Variants in ZNF536 observed in about 807,000 individuals in gnomAD.
ZNF536 encodes zinc finger protein 536.
ZNF536 carries 13 observed loss-of-function variants against 84.5 expected under a neutral mutation model. The observed-to-expected ratio is 0.15, with a 90% confidence interval of 0.10 to 0.24. ZNF536 has a LOEUF of 0.24. Among genes scored for constraint, ZNF536 ranks in the 10% least tolerant of loss-of-function variants. The pLI is 1.00. For synonymous variants in ZNF536, 811 were observed against 742.5 expected, an observed-to-expected ratio of 1.09 and a Z score of -1.50; for missense variants, 1,536 against 1,747.5, an observed-to-expected ratio of 0.88 and a Z score of 2.16.
At chr19:30,368,867 C>T (rs1017724024), upstream of ZNF536, among the ~76,000 whole-genome samples, 1 of 152,188 alleles carries the variant, frequency 6.6e-6, no homozygotes, top group Non-Finnish European at 1.5e-5. Flanking sequence ...ATGGAAAGGG[C>T]TTTGAGGACT....
intron 3 of ZNF536, among the ~76,000 whole-genome samples, chr19:30,545,877 G>A (rs959488458): frequency 7.9e-5 from 12 of 152,172 alleles, no homozygotes; most frequent in Non-Finnish European, 1.6e-4. Flanking sequence ...CCCTTTGCCT[G>A]CCAGATGCAC....
intron 1 of ZNF536, among the ~76,000 whole-genome samples, chr19:30,432,668 C>A (rs532824616): frequency 2.0e-5 from 3 of 152,154 alleles, no homozygotes; most frequent in Admixed American, 1.3e-4. Flanking sequence ...TTTGACCTTC[C>A]GATGTTTGGT....
chr19:30,425,555 C>T (rs1437472880), intron 1 of ZNF536, among the ~76,000 whole-genome samples: 13 of 152,176 alleles, frequency 8.5e-5, no homozygotes, highest in Admixed American at 8.5e-4. Context: ...CTGGCCTTGT[C>T]CCCAGTGCTG....
chr19:30,297,434 A>G (rs187788772), intron 2 of ZNF536, among the ~76,000 whole-genome samples: 1 of 152,252 alleles, frequency 6.6e-6, no homozygotes, highest in East Asian at 1.9e-4. Flanking sequence ...TGAAGGTTTT[A>G]TTACTGAACT....
intron 2 of ZNF536, among the ~76,000 whole-genome samples, chr19:30,452,008 C>A (rs989999371): frequency 1.3e-5 from 2 of 152,220 alleles, no homozygotes; most frequent in Non-Finnish European, 2.9e-5. Flanking sequence ...TGGGAGGTTC[C>A]AGGCTCAGGT....
intron 1 of ZNF536, among the ~76,000 whole-genome samples, chr19:30,597,509 C>G (rs1387053269): frequency 6.6e-6 from 1 of 152,184 alleles, no homozygotes; most frequent in Admixed American, 6.5e-5. Context: ...AAATCTCAGT[C>G]TACTGTGCCT....
rs1010461267 is a variant in ZNF536 at position 30,577,563 on chromosome 19, T to G, written c.169+28049T>G. On this transcript the variant is annotated intron_variant, in intron 1 of 1. Transcript: ENST00000592773. ...TAAAGCGCGTTTTTAGATATGGCCA[T>G]GGTACATTTTTAGCCTGGGTCATTC... is the stretch of plus-strand genomic sequence containing the variant. Among the ~76,000 whole-genome samples, 8 of 152,222 alleles carry G rather than the reference T, an allele frequency of 5.3e-5. No homozygotes were observed. In the East Asian group the frequency reaches 1.5e-3, roughly 29 times the overall value.
rs2050228515 is a variant in ZNF536 at position 30,664,210 on chromosome 19, CTCTCT to C, written c.170-46546_170-46542del. On this transcript the variant is annotated intron_variant, in intron 1 of 1. Transcript: ENST00000592773. ...GAGGAATTCTTGCTGAGTTTTCTCT[CTCTCT>C]CTCTCTCTCTCTCTCTCTCTCTCTC... Among the ~76,000 whole-genome samples, 123 of 8,154 alleles carry C rather than the reference CTCTCT, an allele frequency of 0.015. No homozygotes were observed. In the East Asian group the frequency reaches 0.2, roughly 13 times the overall value. 5.3% of individuals were successfully genotyped at this position (8,154 alleles called of 152,430 possible). A position where few individuals can be genotyped will look rare whatever the true frequency, so the allele number is the denominator to read the frequency against.
chr19:30,226,813 C>T (rs2022639369), upstream of ZNF536, among the ~76,000 whole-genome samples: 1 of 152,006 alleles, frequency 6.6e-6, no homozygotes, highest in South Asian at 2.1e-4. This position sits in a 1 kb window ranked among gnomAD's most constrained non-coding sequence, Gnocchi z 4.6. Context: ...GCTTGCGCGG[C>T]GTCTGGGAAG....
chr19:30,459,925 T>A (rs1032912536), intron 2 of ZNF536, among the ~76,000 whole-genome samples: 12 of 152,202 alleles, frequency 7.9e-5, no homozygotes, highest in African/African-American at 2.9e-4. Flanking sequence ...AAACTGACTT[T>A]AACTACAATT....
intron 1 of ZNF536, among the ~76,000 whole-genome samples, chr19:30,625,842 G>T (rs1158158281): frequency 3.3e-5 from 5 of 152,194 alleles, no homozygotes; most frequent in African/African-American, 1.2e-4. Context: ...AGGGCTGAAT[G>T]CATGGGGGCT....
intron 2 of ZNF536, among the ~76,000 whole-genome samples, chr19:30,299,319 T>C (rs974754436): frequency 6.6e-6 from 1 of 152,266 alleles, no homozygotes; most frequent in Non-Finnish European, 1.5e-5. Context: ...CTGGGGCCTT[T>C]ATGAATCTTG....
chr19:30,457,800 G>A (rs941449575), intron 2 of ZNF536, among the ~76,000 whole-genome samples: 2 of 152,202 alleles, frequency 1.3e-5, no homozygotes, highest in Non-Finnish European at 2.9e-5. Context: ...CCATTTCCCT[G>A]TCTGCCTTAG....
intron 1 of ZNF536, among the ~76,000 whole-genome samples, chr19:30,633,465 A>C (rs113548995): frequency 6.6e-6 from 1 of 152,170 alleles, no homozygotes. Flanking sequence ...AACAAACTCA[A>C]CTGTTAGCTA....
chr19:30,703,339 C>T (rs111229119), intron 1 of ZNF536, among the ~76,000 whole-genome samples: 2,173 of 152,240 alleles, frequency 0.014, 30 homozygotes, highest in Middle Eastern at 0.051. Flanking sequence ...CGGGAGCTCC[C>T]CATCACTTGT....
intron 1 of ZNF536, among the ~76,000 whole-genome samples, chr19:30,633,573 T>C (rs1428710418): frequency 6.6e-6 from 1 of 152,250 alleles, no homozygotes; most frequent in African/African-American, 2.4e-5. Context: ...TTCTGCTCTC[T>C]GCTTCTATGA....
chr19:30,420,579 G>A (rs1236584708), intron 1 of ZNF536, among the ~76,000 whole-genome samples: 1 of 152,212 alleles, frequency 6.6e-6, no homozygotes, highest in African/African-American at 2.4e-5. Context: ...CGGCTGCCGC[G>A]CAGATAATCT....
At chr19:30,314,430 G>A (rs906875276) in intron 2 of ZNF536, among the ~76,000 whole-genome samples, 1 of 152,112 alleles carries the variant, frequency 6.6e-6, no homozygotes, top group African/African-American at 2.4e-5. Context: ...CTTGGTACCT[G>A]CTGCCAGGTG....
intron 3 of ZNF536, among the ~76,000 whole-genome samples, chr19:30,363,756 A>G (rs1382292622): frequency 6.6e-6 from 1 of 152,234 alleles, no homozygotes; most frequent in Non-Finnish European, 1.5e-5. Context: ...AATCATTTAA[A>G]GAGAGGAAAA....
Sources: allele counts gnomAD v4.1 joint callset (sites outside exome capture counted in the v4.1 genomes callset), GRCh38; gene constraint gnomAD v4.1.1; non-coding constraint Gnocchi (gnomAD v3.1); transcripts MANE v1.5; gene names NCBI Gene and HGNC (gene_info 2026-07-23, HGNC 2026-07-21).